Variants in RUNX2 observed in about 807,000 individuals in gnomAD.
RUNX2 encodes the protein runt-related transcription factor 2.
In RUNX2, 10 loss-of-function variants were observed where a neutral mutation model predicts 51.7. That is an observed-to-expected ratio of 0.19 (90% CI 0.12 to 0.33). The LOEUF is 0.33. RUNX2 is among the 10% of genes least tolerant of loss of function. The pLI is 1.00. For missense variants in RUNX2, 562 were observed against 691.3 expected (o/e 0.81, Z 2.10); for synonymous variants, 276 against 273.6 (o/e 1.01, Z -0.09).
chr6:45,355,463 G>T (rs575802364), intron 2 of RUNX2, among the ~76,000 whole-genome samples: 6 of 152,072 alleles, frequency 3.9e-5, no homozygotes, highest in African/African-American at 1.4e-4. Flanking sequence ...TTCATTGGGG[G>T]TGGGGGTTAA....
At chr6:45,417,776 C>T (rs562585101) in intron 2 of RUNX2, among the ~76,000 whole-genome samples, 1 of 152,274 alleles carries the variant, frequency 6.6e-6, no homozygotes, top group Admixed American at 6.5e-5. Context: ...TCCAATAAAG[C>T]TTTATTTGTA....
chr6:45,366,773 T>C (rs1051051271), intron 2 of RUNX2, among the ~76,000 whole-genome samples: 36 of 152,282 alleles, frequency 2.4e-4, no homozygotes, highest in African/African-American at 8.7e-4. Context: ...TTTGACTCCT[T>C]CTCCTGCACC....
chr6:45,441,986 C>T (rs1390063654), intron 5 of RUNX2, among the ~76,000 whole-genome samples: 1 of 152,214 alleles, frequency 6.6e-6, no homozygotes, highest in Non-Finnish European at 1.5e-5. Context: ...TCTTAATATA[C>T]ACATCTGGCG....
At chr6:45,407,660 A>AT (rs57431559) in intron 2 of RUNX2, among the ~76,000 whole-genome samples, 1,890 of 147,324 alleles carry the variant, frequency 0.013, 21 homozygotes, top group African/African-American at 0.026. Flanking sequence ...AGCCCAGCTA[A>AT]TTTTTTTTTT....
chr6:45,523,388 T>C (rs979567867), intron 7 of RUNX2, among the ~76,000 whole-genome samples: 1 of 151,786 alleles, frequency 6.6e-6, no homozygotes, highest in Non-Finnish European at 1.5e-5. Context: ...AACTCAGCCT[T>C]TCTAGGTAGC....
At chr6:45,383,380 T>G (rs1563061684) in intron 2 of RUNX2, among the ~76,000 whole-genome samples, 1 of 152,096 alleles carries the variant, frequency 6.6e-6, no homozygotes, top group Non-Finnish European at 1.5e-5. Flanking sequence ...GAGGTTGCAG[T>G]GAGCCAAGAT....
intron 2 of RUNX2, among the ~76,000 whole-genome samples, chr6:45,378,401 C>G (rs987678085): frequency 2.0e-5 from 3 of 152,142 alleles, no homozygotes; most frequent in Non-Finnish European, 4.4e-5. Flanking sequence ...AATGGGATTG[C>G]GCGTTTACAA....
At chr6:45,468,986 G>A (rs532295395) in intron 5 of RUNX2, among the ~76,000 whole-genome samples, 18 of 152,272 alleles carry the variant, frequency 1.2e-4, no homozygotes, top group African/African-American at 3.8e-4. Flanking sequence ...CTCTTTTCAT[G>A]TGGCACCTTT....
intron 2 of RUNX2, among the ~76,000 whole-genome samples, chr6:45,392,030 A>AG (rs1459761231): frequency 2.0e-5 from 3 of 152,278 alleles, no homozygotes; most frequent in Non-Finnish European, 2.9e-5. Flanking sequence ...ATATGTAGTC[A>AG]GGCCTTTATA....
intron 6 of RUNX2, among the ~76,000 whole-genome samples, chr6:45,495,229 C>G (rs1800612368): frequency 1.3e-5 from 2 of 152,184 alleles, no homozygotes; most frequent in South Asian, 4.1e-4. Context: ...GATTTATTTT[C>G]TTTTGTGACT....
Position 45,433,467 on chromosome 6 carries a change from A to G in RUNX2, c.580+1448A>G, listed in dbSNP as rs544092765. On this transcript the variant is annotated intron_variant, in intron 4 of 8. Coordinates refer to ENST00000647337, the MANE Select transcript of RUNX2 (RefSeq NM_001024630.4). Reference sequence around the variant, plus strand: ...GATTTACCTGTATGCTCTGAATTGCATCTTTCTTCTTATGTAATAATACTT... The same window carrying G: ...GATTTACCTGTATGCTCTGAATTGCGTCTTTCTTCTTATGTAATAATACTT... Among the ~76,000 whole-genome samples the G allele has an allele frequency of 2.0e-5, 3 of 151,920 alleles. No homozygotes were observed. The South Asian group carries it at 6.2e-4, about 32-fold the overall frequency.
intron 2 of RUNX2, among the ~76,000 whole-genome samples, chr6:45,391,001 T>G (rs1483437555): frequency 6.6e-6 from 1 of 152,242 alleles, no homozygotes; most frequent in Non-Finnish European, 1.5e-5. Context: ...AAAATATGAA[T>G]GAAGCGTCTC....
At chr6:45,439,265 T>G (rs1372633445) in intron 5 of RUNX2, among the ~76,000 whole-genome samples, 1 of 152,186 alleles carries the variant, frequency 6.6e-6, no homozygotes. Flanking sequence ...TCCAGGTTCA[T>G]AATGTTGAGT....
At chr6:45,363,364 G>C (rs1185129042) in intron 2 of RUNX2, among the ~76,000 whole-genome samples, 2 of 152,062 alleles carry the variant, frequency 1.3e-5, no homozygotes, top group African/African-American at 2.4e-5. Flanking sequence ...AAGATGTCTG[G>C]GATTTGCTTT....
At chr6:45,444,982 G>A (rs1303405303) in intron 5 of RUNX2, among the ~76,000 whole-genome samples, 1 of 152,110 alleles carries the variant, frequency 6.6e-6, no homozygotes, top group Non-Finnish European at 1.5e-5. Context: ...TATGCCAAAG[G>A]CTAGCCCATG....
intron 5 of RUNX2, among the ~76,000 whole-genome samples, chr6:45,464,333 C>T (rs1380410245): frequency 6.6e-6 from 1 of 152,080 alleles, no homozygotes; most frequent in Non-Finnish European, 1.5e-5. Context: ...TAGTAGTTAA[C>T]AGTAAAGTTT....
chr6:45,406,598 G>C (rs1311817192), intron 2 of RUNX2, among the ~76,000 whole-genome samples: 1 of 152,096 alleles, frequency 6.6e-6, no homozygotes, highest in Non-Finnish European at 1.5e-5. Flanking sequence ...TAGAGATGGG[G>C]TTTTGCCATG....
At chr6:45,437,917 A>AC in intron 4 of RUNX2, 30 bp from the exon 5 acceptor site, 1 of 1,462,598 alleles carries the variant, frequency 6.8e-7, no homozygotes, top group Non-Finnish European at 9.6e-7. Flanking sequence ...TTTAATATTC[A>AC]CTGTATATTT....
In RUNX2 at chr6:45,437,986, C is replaced by T; in HGVS notation, c.620C>T (p.Pro207Leu). 1 of 1,613,568 alleles carries T rather than the reference C, an allele frequency of 6.2e-7. No individual in the cohort carries two copies. Among genetic ancestry groups the T allele is most frequent in the Non-Finnish European group, 8.5e-7 (1 of 1,179,604 alleles). Reference protein sequence around the residue: ...FTLTITVFTNPPQVATYHRAI... With the variant: ...FTLTITVFTNLPQVATYHRAI... Reference sequence around the variant, plus strand: ...TTGACCATAACCGTCTTCACAAATCCTCCCCAAGTAGCTACCTATCACAGA... The same window carrying T: ...TTGACCATAACCGTCTTCACAAATCTTCCCCAAGTAGCTACCTATCACAGA... The change falls in exon 5 of 9, where the codon CCT becomes CTT. Residue 207 changes from proline (P) to leucine (L), a missense_variant. By Grantham distance (98) the Pro-to-Leu change is moderately conservative (BLOSUM62 -3). This residue lies in a region of RUNX2 where 37 missense variants were observed against 66.5 expected (regional missense o/e 0.56). Coordinates refer to ENST00000647337, the MANE Select transcript of RUNX2 (RefSeq NM_001024630.4).
Sources: allele counts gnomAD v4.1 joint callset (sites outside exome capture counted in the v4.1 genomes callset), GRCh38; gene constraint gnomAD v4.1.1; regional missense constraint gnomAD v4.1.1; transcripts MANE v1.5; gene names NCBI Gene and HGNC (gene_info 2026-07-23, HGNC 2026-07-21).